Variants in EFCAB6 observed in about 807,000 individuals in gnomAD.
EFCAB6 encodes EF-hand calcium binding domain 6, also known as EF-hand calcium-binding domain-containing protein 6.
EFCAB6 carries 156 observed loss-of-function variants against 169.8 expected under a neutral mutation model. The observed-to-expected ratio is 0.92, with a 90% CI of 0.81 to 1.05. The LOEUF is 1.05. Among genes scored for constraint, EFCAB6 ranks in the 50% least tolerant of loss-of-function variants. EFCAB6 has a pLI of 0.00. For synonymous variants in EFCAB6, 698 were observed against 676.4 expected, an observed-to-expected ratio of 1.03 and a Z score of -0.50; for missense variants, 1,800 against 1,829.1, an observed-to-expected ratio of 0.98 and a Z score of 0.29.
chr22:43,601,692 G>A (rs1257788364), intron 22 of EFCAB6, among the ~76,000 whole-genome samples: 1 of 152,232 alleles, frequency 6.6e-6, no homozygotes, highest in Non-Finnish European at 1.5e-5. Flanking sequence ...CCACGTTCTT[G>A]TCCTCAAGGG....
At chr22:43,786,433 A>G (rs2062080397) in intron 2 of EFCAB6, among the ~76,000 whole-genome samples, 3 of 152,152 alleles carry the variant, frequency 2.0e-5, no homozygotes, top group African/African-American at 7.2e-5. Context: ...TTAGAAAAAA[A>G]GAAAGTGGCC....
chr22:43,683,520 A>C, intron 12 of EFCAB6: 1 of 511,718 alleles, frequency 2.0e-6, no homozygotes, highest in Non-Finnish European at 3.5e-6. Context: ...ATGTTACTGT[A>C]TTGCAATTAA....
intron 27 of EFCAB6, among the ~76,000 whole-genome samples, chr22:43,543,116 C>G (rs2047841751): frequency 6.6e-6 from 1 of 152,178 alleles, no homozygotes; most frequent in Non-Finnish European, 1.5e-5. Context: ...CGCGGGGTCA[C>G]AGGGAGCCAA....
At chr22:43,748,224 C>A (rs986178820) in intron 6 of EFCAB6, among the ~76,000 whole-genome samples, 12 of 152,298 alleles carry the variant, frequency 7.9e-5, no homozygotes, top group African/African-American at 2.9e-4. Flanking sequence ...CATCATAACC[C>A]CCTTATCAGA....
chr22:43,770,429 T>A (rs2061434522), intron 4 of EFCAB6, among the ~76,000 whole-genome samples: 1 of 152,208 alleles, frequency 6.6e-6, no homozygotes, highest in African/African-American at 2.4e-5. Context: ...TTGAGGTGAC[T>A]AACATGTGAA....
intron 26 of EFCAB6, among the ~76,000 whole-genome samples, chr22:43,570,608 T>TTC (rs1301428066): frequency 8.5e-5 from 9 of 105,340 alleles, no homozygotes; most frequent in Middle Eastern, 5.3e-3. Flanking sequence ...CGTTTAGGTG[T>TTC]TCTCTTTTTT....
At chr22:43,633,221 C>T (rs1447599607) in intron 18 of EFCAB6, among the ~76,000 whole-genome samples, 1 of 152,142 alleles carries the variant, frequency 6.6e-6, no homozygotes, top group Non-Finnish European at 1.5e-5. Context: ...TCTCGCTCCC[C>T]TAAAATTAAG....
In EFCAB6 at chr22:43,554,812, A is replaced by G. The variant is rs1021673088; in HGVS notation, c.3648+57T>C. The G allele has an allele frequency of 2.1e-6, 3 of 1,461,948 alleles. No homozygotes were observed. In the African/African-American group the frequency reaches 4.2e-5, roughly 20 times the overall value. The allele number at this position is 1,461,948 out of a possible 1,614,324, so 90.6% of individuals were successfully genotyped here. On this transcript the variant is annotated intron_variant, in intron 27 of 31. Transcript: ENST00000262726. Reference sequence around the variant, plus strand: ...TAAACTCTGTACATTCTGGCCAGGGACCAGGCTGACGCTCAGCCAACGGTG... The same window carrying G: ...TAAACTCTGTACATTCTGGCCAGGGGCCAGGCTGACGCTCAGCCAACGGTG...
At chr22:43,539,221 T>G (rs549024353) in intron 28 of EFCAB6, among the ~76,000 whole-genome samples, 7 of 152,192 alleles carry the variant, frequency 4.6e-5, no homozygotes, top group Non-Finnish European at 7.3e-5. Flanking sequence ...TAAGACAACA[T>G]AGTCACAGCT....
At position 43,537,623 on chromosome 22, in the gene EFCAB6, A is replaced by AG; in HGVS notation, c.3880-79dup. 1 of 1,453,644 alleles carries AG rather than the reference A, an allele frequency of 6.9e-7. No homozygotes were observed. Among genetic ancestry groups the AG allele is most frequent in the Non-Finnish European group, 9.2e-7 (1 of 1,088,130 alleles). 90.0% of individuals were successfully genotyped at this position (1,453,644 alleles called of 1,614,324 possible). A position where few individuals can be genotyped will look rare whatever the true frequency, so the allele number is the denominator to read the frequency against. ...TCATCAAAAATACCTCAATACCTCCAGTTTTGAGGTTCACAATTTTAGAGG... is the reference window on the plus strand; with the variant it reads ...TCATCAAAAATACCTCAATACCTCCAGGTTTTGAGGTTCACAATTTTAGAGG... On this transcript the variant is annotated intron_variant, in intron 28 of 31. Transcript: ENST00000262726. The surrounding 1 kb of genome is among the most constrained non-coding windows in gnomAD (Gnocchi z 4.3).
intron 6 of EFCAB6, among the ~76,000 whole-genome samples, chr22:43,752,777 T>C (rs1001973271): frequency 1.3e-5 from 2 of 152,160 alleles, no homozygotes; most frequent in African/African-American, 4.8e-5. Flanking sequence ...CACGCCCTCC[T>C]GACTTCTTGG....
At chr22:43,633,615 A>T (rs5764173) in intron 18 of EFCAB6, among the ~76,000 whole-genome samples, 28,074 of 152,220 alleles carry the variant, frequency 0.18, 3,525 homozygotes, top group African/African-American at 0.35. Context: ...CGTTTCCATT[A>T]GGCTGGGGTC....
At chr22:43,659,103 G>A (rs1311321808) in intron 17 of EFCAB6, among the ~76,000 whole-genome samples, 1 of 152,218 alleles carries the variant, frequency 6.6e-6, no homozygotes, top group East Asian at 1.9e-4. Context: ...CCCTAATCCA[G>A]CACATGCGGG....
rs762500497 is a variant in EFCAB6, at chr22:43,540,139, C to T, written c.3867G>A (p.Gln1289=). The T allele has an allele frequency of 1.9e-6, 3 of 1,613,954 alleles. No individual in the cohort carries two copies. In the African/African-American group the frequency reaches 4.0e-5, roughly 22 times the overall value. The stretch of plus-strand genomic sequence containing the variant: ...ATGGAGAACTCACACAGGGGTGGCT[C>T]TGCGACTTTGACCCTGGTCTCAGCT... ...TQELRPGSKS[Q]SHPCTPASTT... Residue 1289 remains glutamine, a synonymous_variant, in exon 28 of 32, where the codon CAG becomes CAA. Coordinates refer to ENST00000262726, the MANE Select transcript of EFCAB6 (RefSeq NM_022785.4).
intron 15 of EFCAB6, among the ~76,000 whole-genome samples, chr22:43,671,667 G>C (rs2057498943): frequency 6.6e-6 from 1 of 152,152 alleles, no homozygotes; most frequent in Non-Finnish European, 1.5e-5. Flanking sequence ...ACCCAGGAGG[G>C]AACTCAGGCC....
intron 2 of EFCAB6, among the ~76,000 whole-genome samples, chr22:43,800,257 T>C (rs2062659365): frequency 6.6e-6 from 1 of 152,188 alleles, no homozygotes; most frequent in South Asian, 2.1e-4. Context: ...TCCAAGCAGT[T>C]ACTAGAGTCA....
In EFCAB6 at chr22:43,784,311, T is replaced by A. The variant is rs144691424; in HGVS notation, c.-7-1986A>T. Among the ~76,000 whole-genome samples the A allele has an allele frequency of 9.0e-3, 1,360 of 151,678 alleles. 9 individuals are homozygous for A. Among genetic ancestry groups the A allele is most frequent in the Non-Finnish European group, 0.013 (888 of 67,916 alleles). On this transcript the variant is annotated intron_variant, in intron 2 of 31. Coordinates refer to ENST00000262726, the MANE Select transcript of EFCAB6 (RefSeq NM_022785.4). ...CCTGAGCAAACAAAAATTGAGAGAA[T>A]GTGTTGCCAGCAGACTTACTTCCAA...
intron 7 of EFCAB6, among the ~76,000 whole-genome samples, chr22:43,735,399 C>T (rs1262493949): frequency 2.0e-5 from 3 of 152,088 alleles, no homozygotes; most frequent in Non-Finnish European, 4.4e-5. Context: ...AAAATTAAGT[C>T]TCCATTATTG....
At chr22:43,542,317 C>A (rs576839460) in intron 27 of EFCAB6, among the ~76,000 whole-genome samples, 2 of 152,206 alleles carry the variant, frequency 1.3e-5, no homozygotes, top group African/African-American at 2.4e-5. Flanking sequence ...CAGTGGCTCA[C>A]GCCTGTAATC....
Sources: gnomAD v4.1 joint callset for allele counts (sites outside exome capture counted in the v4.1 genomes callset) on GRCh38, gnomAD v4.1.1 for gene constraint, Gnocchi (gnomAD v3.1) non-coding constraint, MANE v1.5 for transcripts, NCBI Gene and HGNC (gene_info 2026-07-23, HGNC 2026-07-21) for gene names.